The following HHIPL2 variants were observed in gnomAD, a reference collection of about 807,000 sequenced individuals.
HHIPL2 encodes HHIP-like protein 2.
Under a neutral mutation model 61.0 loss-of-function variants are expected in HHIPL2, and 61 were observed. That is an observed-to-expected ratio of 1.00 (90% CI 0.81 to 1.24). The LOEUF (loss-of-function observed/expected upper bound fraction) is 1.24. Ranked by LOEUF, HHIPL2 falls within the 50% of genes most tolerant of loss-of-function variation. HHIPL2 has a pLI of 0.00. For synonymous variants in HHIPL2, 343 were observed against 357.4 expected (o/e 0.96, Z 0.45); for missense variants, 885 against 910.2 (o/e 0.97, Z 0.36).
chr1:222,525,661 A>C (rs1659047707), intron 7 of HHIPL2, among the ~76,000 whole-genome samples: 1 of 152,180 alleles, frequency 6.6e-6, no homozygotes, highest in Non-Finnish European at 1.5e-5. Flanking sequence ...AAGCTAATTC[A>C]GGGGGAGATT....
At chr1:222,527,074 C>T (rs1487523) in intron 6 of HHIPL2, 24 bp from the exon 7 acceptor site, 458,840 of 1,570,464 alleles carry the variant, frequency 0.29, 68,631 homozygotes, top group African/African-American at 0.41. Flanking sequence ...AATAGACAGG[C>T]AATAATGGGA....
In HHIPL2 at chr1:222,522,619, A is replaced by AGCTCGCTTCTGCTCT. The variant is rs762135516; in HGVS notation, c.2142_2156dup (p.Glu715_Ala719dup). The AGCTCGCTTCTGCTCT allele has an allele frequency of 1.2e-6, 2 of 1,613,316 alleles. No individual in the cohort carries two copies. Among genetic ancestry groups the AGCTCGCTTCTGCTCT allele is most frequent in the East Asian group, 4.5e-5 (2 of 44,880 alleles). On this transcript the variant is annotated inframe_insertion, in exon 9 of 9. Coordinates refer to ENST00000343410, the MANE Select transcript of HHIPL2 (RefSeq NM_024746.4). ...CAATAGGTCAAGGGAGACTTCTGCC[A>AGCTCGCTTCTGCTCT]GCTCGCTTCTGCTCTGCTGATGGCC...
intron 5 of HHIPL2, among the ~76,000 whole-genome samples, chr1:222,537,520 A>G (rs1313574207): frequency 1.3e-5 from 2 of 151,586 alleles, no homozygotes; most frequent in Admixed American, 1.3e-4. Context: ...AGTCCCAGCT[A>G]CTCAGGAGGC....
rs1267100361 is a variant in HHIPL2, at chr1:222,544,122, G to A, written c.389C>T (p.Pro130Leu). Residue 130 changes from proline to leucine, a missense_variant, in exon 2 of 9, where the codon CCG becomes CTG. Physicochemically the swap from Pro to Leu is moderately conservative, Grantham distance 98. Transcript: ENST00000343410. ...AGAGCAGTAATCAGAGCAGAGGCCCGGGAGATTCCGGAGAGGCGTCTGGGT... is the reference window on the plus strand; with the variant it reads ...AGAGCAGTAATCAGAGCAGAGGCCCAGGAGATTCCGGAGAGGCGTCTGGGT... ...ENTQTPLRNLPGLCSDYCSAF... is the reference protein window; with the variant it reads ...ENTQTPLRNLLGLCSDYCSAF... The A allele has an allele frequency of 3.7e-6, 6 of 1,613,996 alleles. No individual in the cohort carries two copies. The highest frequency in any genetic ancestry group is 1.7e-5 in the Admixed American group (1 of 60,012).
chr1:222,535,954 C>T (rs899948511), intron 5 of HHIPL2, among the ~76,000 whole-genome samples: 11 of 151,842 alleles, frequency 7.2e-5, no homozygotes, highest in African/African-American at 2.4e-4. Context: ...AACTGAATAA[C>T]AATGAAAACA....
In HHIPL2 at chr1:222,540,061, T is replaced by C; in HGVS notation, c.1399A>G (p.Lys467Glu). The C allele has an allele frequency of 6.2e-7, 1 of 1,614,244 alleles. No individual in the cohort carries two copies. The highest frequency in any genetic ancestry group is 1.7e-5 in the Admixed American group (1 of 60,024). Residue 467 changes from lysine to glutamate, a missense_variant, in exon 4 of 9, where the codon AAG becomes GAG. Coordinates refer to ENST00000343410, the MANE Select transcript of HHIPL2 (RefSeq NM_024746.4). The stretch of plus-strand genomic sequence containing the variant: ...TTGTCATAACATGCAAACCCTTCCT[T>C]TGCTCTCCAGCCATAGTTTCCACCT... ...LKGGNYGWRA[K>E]EGFACYDKKL...
Position 222,543,664 on chromosome 1 carries a change from A to C in HHIPL2, c.847T>G (p.Phe283Val), listed in dbSNP as rs906848601. 1.9e-6 allele frequency: 3 copies of C among 1,614,032 alleles called. No individual in the cohort carries two copies. The highest frequency in any genetic ancestry group is 2.5e-6 in the Non-Finnish European group (3 of 1,180,040). ...ATATAGAACTTGCGATTGTGGCGGAATTTGGGGTGAAAAGCCAACCCCAAG... is the reference window on the plus strand; with the variant it reads ...ATATAGAACTTGCGATTGTGGCGGACTTTGGGGTGAAAAGCCAACCCCAAG... Reference protein sequence around the residue: ...GFLGLAFHPKFRHNRKFYIYY... With the variant: ...GFLGLAFHPKVRHNRKFYIYY... The change falls in exon 2 of 9, where the codon TTC (phenylalanine) becomes GTC (valine). Residue 283 changes from phenylalanine to valine, a missense_variant. Coordinates refer to ENST00000343410, the MANE Select transcript of HHIPL2 (RefSeq NM_024746.4).
chr1:222,546,074 A>AT (rs71175168), intron 1 of HHIPL2, among the ~76,000 whole-genome samples: 8 of 151,842 alleles, frequency 5.3e-5, no homozygotes, highest in South Asian at 2.1e-4. Context: ...AAATAAATAA[A>AT]AGTCCTATGT....
chr1:222,547,569 A>C (rs1571781374), intron 1 of HHIPL2, among the ~76,000 whole-genome samples, 155 bp downstream of exon 1: 1 of 152,040 alleles, frequency 6.6e-6, no homozygotes, highest in African/African-American at 2.4e-5. Context: ...GCACACACTC[A>C]TGTCAGTGTG....
At chr1:222,543,463 C>T in intron 2 of HHIPL2, 74 bp downstream of exon 2, 1 of 1,392,094 alleles carries the variant, frequency 7.2e-7, no homozygotes, top group Non-Finnish European at 9.9e-7. Context: ...AAGTTCCCCT[C>T]TATTATCTCG....
At chr1:222,538,561 C>A (rs1325105608) in intron 5 of HHIPL2, 87 bp downstream of exon 5, 2 of 1,233,830 alleles carry the variant, frequency 1.6e-6, no homozygotes, top group South Asian at 1.4e-5. Context: ...TGTGCTCTTA[C>A]GTGATTATAT....
chr1:222,545,831 G>C (rs934686447), intron 1 of HHIPL2, among the ~76,000 whole-genome samples: 3 of 151,976 alleles, frequency 2.0e-5, no homozygotes, highest in Non-Finnish European at 4.4e-5. Flanking sequence ...AGGAGTTCAA[G>C]ACCAGCCTGG....
chr1:222,531,317 C>T (rs1558127702), intron 6 of HHIPL2, among the ~76,000 whole-genome samples: 2 of 152,178 alleles, frequency 1.3e-5, no homozygotes, highest in South Asian at 4.1e-4. Context: ...TAGTCTGGCC[C>T]GCTGTTGGCC....
At position 222,542,155 on chromosome 1, in the gene HHIPL2, C is replaced by A; in HGVS notation, c.975G>T (p.Arg325Ser). 1.2e-6 allele frequency: 2 copies of A among 1,611,252 alleles called. No homozygotes were observed. Among genetic ancestry groups the A allele is most frequent in the Non-Finnish European group, 1.7e-6 (2 of 1,179,314 alleles). ...CTGGTTCTTCAATCTCCAAGATGAC[C>A]CTGGAAGAGAAAAAAGAAACCACAC... is the stretch of plus-strand genomic sequence containing the variant. ...DPNKADLKSE[R>S]VILEIEEPAS... The change falls in exon 3 of 9, where the codon AGG becomes AGT. Residue 325 changes from arginine (R) to serine (S), a missense_variant and splice_region_variant. Transcript: ENST00000343410.
Position 222,535,333 on chromosome 1 carries a change from C to T in HHIPL2, c.1578-3222G>A, listed in dbSNP as rs192759444. Among the ~76,000 whole-genome samples the T allele has an allele frequency of 2.8e-3, 423 of 152,272 alleles. 1 individual carries two copies. Among genetic ancestry groups the T allele is most frequent in the Middle Eastern group, 0.01 (3 of 294 alleles). ...GAAATGTTAAAGGAAGTTCTTCAGA[C>T]AGAAGAAAAATGATATCAGATAGAA... On this transcript the variant is annotated intron_variant, in intron 5 of 8. Coordinates refer to ENST00000343410, the MANE Select transcript of HHIPL2 (RefSeq NM_024746.4).
rs551707193 is a variant in HHIPL2 at position 222,538,841 on chromosome 1, G to A, written c.1451-67C>T. 17 of 1,570,812 alleles carry A rather than the reference G, an allele frequency of 1.1e-5. No individual in the cohort carries two copies. In the South Asian group the frequency reaches 1.9e-4, roughly 17 times the overall value. ...AATTGAAAGCTTCAAGGAGGAAGAAGGGGACTTTTTAATGCAGTTGCCTAA... is the reference window on the plus strand; with the variant it reads ...AATTGAAAGCTTCAAGGAGGAAGAAAGGGACTTTTTAATGCAGTTGCCTAA... On this transcript the variant is annotated intron_variant, in intron 4 of 8. Coordinates refer to ENST00000343410, the MANE Select transcript of HHIPL2 (RefSeq NM_024746.4).
chr1:222,537,055 AATAAG>A (rs1659315658), intron 5 of HHIPL2, among the ~76,000 whole-genome samples: 2 of 152,080 alleles, frequency 1.3e-5, no homozygotes, highest in South Asian at 2.1e-4. Flanking sequence ...TAAATAAATA[AATAAG>A]ATAAGGCATT....
chr1:222,523,623 C>T lies in HHIPL2; in HGVS notation c.1877G>A (p.Arg626Lys). Residue 626 changes from arginine to lysine, a missense_variant, in exon 8 of 9, where the codon AGA (arginine) becomes AAA (lysine). Transcript: ENST00000343410. ...VRTKSKRIPF[R>K]PLAKTVLDLL... is the part of the protein sequence containing the mutation. ...AAAGATGGACTCACTGGCGAGTGGT[C>T]TGAACGGGATCCGCTTACTCTTGGT... The T allele has an allele frequency of 1.2e-6, 2 of 1,614,156 alleles. No homozygotes were observed. Among genetic ancestry groups the T allele is most frequent in the Non-Finnish European group, 1.7e-6 (2 of 1,180,014 alleles).
rs767909820 is a variant in HHIPL2, at chr1:222,544,091, G to A, written c.420C>T (p.Phe140=). 10 of 1,614,192 alleles carry A rather than the reference G, an allele frequency of 6.2e-6. No homozygotes were observed. The highest frequency in any genetic ancestry group is 8.5e-6 in the Non-Finnish European group (10 of 1,180,038). ...PGLCSDYCSA[F]HSNCHSAISL... ...AAATGGCTGAGTGACAGTTAGAATG[G>A]AAGGCAGAGCAGTAATCAGAGCAGA... is the stretch of plus-strand genomic sequence containing the variant. The change falls in exon 2 of 9, where the codon TTC becomes TTT. Residue 140 remains phenylalanine, a synonymous_variant. Coordinates refer to ENST00000343410, the MANE Select transcript of HHIPL2 (RefSeq NM_024746.4).
Sources: allele counts gnomAD v4.1 joint callset (sites outside exome capture counted in the v4.1 genomes callset), GRCh38; gene constraint gnomAD v4.1.1; transcripts MANE v1.5; gene names NCBI Gene and HGNC (gene_info 2026-07-23, HGNC 2026-07-21).